Variants in TMEM132B observed in about 807,000 individuals in gnomAD.
The protein encoded by TMEM132B is transmembrane protein 132B.
A neutral mutation model predicts 90.8 loss-of-function variants in TMEM132B; 18 were observed. The ratio of observed to expected loss-of-function variants is 0.20; its 90% CI spans 0.14 to 0.29. The LOEUF is 0.29. Ranked by LOEUF, TMEM132B falls within the 10% of genes least tolerant of loss-of-function variation. TMEM132B has a pLI of 1.00. For missense variants in TMEM132B, 1,096 were observed against 1,326.8 expected (o/e 0.83, Z 2.70); for synonymous variants, 504 against 523.3 (o/e 0.96, Z 0.50).
chr12:125,509,608 CTT>C (rs1483934921), intron 3 of TMEM132B, among the ~76,000 whole-genome samples: 5 of 151,980 alleles, frequency 3.3e-5, no homozygotes, highest in African/African-American at 1.2e-4. Context: ...AAAAGAATAA[CTT>C]GGGTTGGCTG....
intron 5 of TMEM132B, among the ~76,000 whole-genome samples, chr12:125,593,703 C>T (rs1331209609): frequency 3.9e-5 from 6 of 152,100 alleles, no homozygotes; most frequent in African/African-American, 1.4e-4. Context: ...AGACTCCTGC[C>T]CTGCAGCTTT....
At chr12:125,356,697 A>C (rs1877784050) in intron 2 of TMEM132B, among the ~76,000 whole-genome samples, 1 of 152,182 alleles carries the variant, frequency 6.6e-6, no homozygotes, top group Admixed American at 6.5e-5. Flanking sequence ...TCAGGCCGCC[A>C]TGTTGCCTAC....
intron 1 of TMEM132B, among the ~76,000 whole-genome samples, chr12:125,270,309 G>A (rs79433501): frequency 0.015 from 2,332 of 152,082 alleles, 58 homozygotes; most frequent in African/African-American, 0.053. Flanking sequence ...ACCCTGCTAA[G>A]TTTTATTTTC....
At chr12:125,540,787 C>T (rs929975804) in intron 4 of TMEM132B, among the ~76,000 whole-genome samples, 1 of 152,242 alleles carries the variant, frequency 6.6e-6, no homozygotes, top group Non-Finnish European at 1.5e-5. Flanking sequence ...TCATGTCTGA[C>T]CTCTGATCCA....
intron 2 of TMEM132B, among the ~76,000 whole-genome samples, chr12:125,368,787 C>T (rs1241095263): frequency 6.6e-6 from 1 of 151,966 alleles, no homozygotes; most frequent in African/African-American, 2.4e-5. Flanking sequence ...CATCTCTTCC[C>T]TGTGTCTTGC....
chr12:125,328,022 T>C (rs1414903381), intron 1 of TMEM132B, among the ~76,000 whole-genome samples: 1 of 152,372 alleles, frequency 6.6e-6, no homozygotes, highest in East Asian at 1.9e-4. Context: ...TTGGCCCGTT[T>C]GTAAAACAAA....
chr12:125,464,844 T>C (rs1881524148), intron 3 of TMEM132B, among the ~76,000 whole-genome samples: 3 of 152,240 alleles, frequency 2.0e-5, no homozygotes, highest in South Asian at 2.1e-4. Context: ...GGTAATCATT[T>C]ATTTTGCTAA....
intron 3 of TMEM132B, among the ~76,000 whole-genome samples, chr12:125,442,317 C>T (rs1424872988): frequency 6.4e-5 from 6 of 93,964 alleles, no homozygotes; most frequent in Non-Finnish European, 1.0e-4. Context: ...ACCATAGGAT[C>T]AGGAATTTGA....
chr12:125,473,991 A>C (rs1881790193), intron 3 of TMEM132B, among the ~76,000 whole-genome samples: 2 of 151,698 alleles, frequency 1.3e-5, no homozygotes, highest in Non-Finnish European at 1.5e-5. Flanking sequence ...TTTTAAACTA[A>C]TTCCAAGATT....
intron 3 of TMEM132B, among the ~76,000 whole-genome samples, chr12:125,472,019 G>A (rs1881738249): frequency 6.6e-6 from 1 of 152,134 alleles, no homozygotes; most frequent in Admixed American, 6.5e-5. Flanking sequence ...CAGATACATA[G>A]TGGGTGCTCA....
chr12:125,515,492 C>T (rs934759343), intron 3 of TMEM132B, among the ~76,000 whole-genome samples: 1 of 134,894 alleles, frequency 7.4e-6, no homozygotes, highest in Non-Finnish European at 1.6e-5. Flanking sequence ...CACACTCACA[C>T]ACATACATTG....
chr12:125,593,345 C>G (rs1033308743), intron 5 of TMEM132B, among the ~76,000 whole-genome samples: 1 of 152,194 alleles, frequency 6.6e-6, no homozygotes, highest in Non-Finnish European at 1.5e-5. Flanking sequence ...TCTTTGGCAT[C>G]TCTAATTAAG....
chr12:125,316,925 G>A (rs1015958647), intron 1 of TMEM132B, among the ~76,000 whole-genome samples: 1 of 152,200 alleles, frequency 6.6e-6, no homozygotes, highest in East Asian at 1.9e-4. Flanking sequence ...CGATAAATAA[G>A]TACATCTCTT....
At chr12:125,512,110 A>G (rs980178022) in intron 3 of TMEM132B, among the ~76,000 whole-genome samples, 2 of 152,198 alleles carry the variant, frequency 1.3e-5, no homozygotes, top group African/African-American at 4.8e-5. Context: ...AAAGGTGCCT[A>G]CTAGGGAGCT....
rs143120796 is a variant in TMEM132B at position 125,557,737 on chromosome 12, C to T, written c.1294-26114C>T. Among the ~76,000 whole-genome samples, 17 of 152,126 alleles carry T rather than the reference C, an allele frequency of 1.1e-4. No individual in the cohort carries two copies. In the East Asian group the frequency reaches 2.7e-3, roughly 24 times the overall value. ...ATAGGTAAGTAAATAAGATAGTCTC[C>T]GAGACTGATTAGTGGTGTCAAGGGG... is the stretch of plus-strand genomic sequence containing the variant. On this transcript the variant is annotated intron_variant, in intron 4 of 8. Transcript: ENST00000682704.
rs1323337369 is a variant in TMEM132B, at chr12:125,435,751, C to T, written c.1106+20074C>T. On this transcript the variant is annotated intron_variant, in intron 3 of 8. Coordinates refer to ENST00000682704, the MANE Select transcript of TMEM132B (RefSeq NM_001366854.1). ...TGTAGGGAAATCCCTGATTTGGGGG[C>T]AGGAAGTCAGGGATGAGCTCACTGT... Among the ~76,000 whole-genome samples the T allele has an allele frequency of 3.3e-5, 5 of 151,804 alleles. No individual in the cohort carries two copies. The East Asian group carries it at 5.8e-4, about 18-fold the overall frequency.
chr12:125,338,572 C>T (rs325078), intron 1 of TMEM132B, among the ~76,000 whole-genome samples: 39,681 of 152,000 alleles, frequency 0.26, 8,675 homozygotes, highest in African/African-American at 0.6. Context: ...TCCTTTTTTG[C>T]GGCTCTAATT....
intron 6 of TMEM132B, among the ~76,000 whole-genome samples, chr12:125,650,165 G>A (rs1373088540): frequency 1.3e-5 from 2 of 152,110 alleles, no homozygotes; most frequent in African/African-American, 4.8e-5. Context: ...GGTTCCTAAA[G>A]GGCCATTTCT....
chr12:125,238,375 AAC>A (rs1873985910), intron 1 of TMEM132B, among the ~76,000 whole-genome samples: 2 of 147,086 alleles, frequency 1.4e-5, no homozygotes, highest in South Asian at 4.2e-4. Flanking sequence ...CCAAAAAAAA[AAC>A]AAAAAAAAAC....
Sources: gnomAD v4.1 joint callset for allele counts (sites outside exome capture counted in the v4.1 genomes callset) on GRCh38, gnomAD v4.1.1 for gene constraint, MANE v1.5 for transcripts, NCBI Gene and HGNC (gene_info 2026-07-23, HGNC 2026-07-21) for gene names.